Variants in ACER1 observed in about 807,000 individuals in gnomAD.
ACER1 encodes the protein alkaline ceramidase 1.
ACER1 carries 28 observed loss-of-function variants against 24.9 expected under a neutral mutation model. The ratio of observed to expected loss-of-function variants is 1.13; its 90% CI spans 0.83 to 1.54. The LOEUF (loss-of-function observed/expected upper bound fraction) is 1.54, where lower values mean the gene tolerates loss of function less well. ACER1 is among the 40% of genes most tolerant of loss of function. The pLI is 0.00. For missense variants in ACER1, 352 were observed against 349.3 expected (o/e 1.01, Z -0.06); for synonymous variants, 132 against 131.4 (o/e 1.00, Z -0.03).
chr19:6,312,553 G>C (rs545444212), intron 1 of ACER1, 54 bp from the exon 2 acceptor site: 2 of 1,440,380 alleles, frequency 1.4e-6, no homozygotes, highest in Non-Finnish European at 9.8e-7. Flanking sequence ...AGACGGAGGA[G>C]GCTGCCCTCT....
At chr19:6,326,998 C>G (rs986176550) in intron 1 of ACER1, among the ~76,000 whole-genome samples, 6 of 152,146 alleles carry the variant, frequency 3.9e-5, no homozygotes, top group Non-Finnish European at 8.8e-5. Context: ...TTGGCAAACT[C>G]CTATTCATCT....
At chr19:6,347,098 C>CAAAAAAAAAAA in the ACER1 span, among the ~76,000 whole-genome samples, 3 of 82,016 alleles carry the variant, frequency 3.7e-5, no homozygotes, top group African/African-American at 2.0e-4. Flanking sequence ...CCTGTCTCTA[C>CAAAAAAAAAAA]AAAAAAAAAA....
intron 1 of ACER1, among the ~76,000 whole-genome samples, chr19:6,320,209 A>C (rs28542816): frequency 0.066 from 10,056 of 152,000 alleles, 373 homozygotes; most frequent in East Asian, 0.12. Flanking sequence ...TCCCACCAGC[A>C]ACACCTGGCC....
chr19:6,314,886 T>G (rs1276271967), intron 1 of ACER1, among the ~76,000 whole-genome samples: 1 of 151,702 alleles, frequency 6.6e-6, no homozygotes, highest in East Asian at 1.9e-4. Flanking sequence ...ATTTATTTAT[T>G]TATTTATTTA....
the ACER1 span, among the ~76,000 whole-genome samples, chr19:6,343,292 GA>G: frequency 6.6e-6 from 1 of 152,212 alleles, no homozygotes; most frequent in Non-Finnish European, 1.5e-5. Flanking sequence ...TATGGAGGGT[GA>G]AGCTGTCCCA....
chr19:6,331,451 C>CTGG, intron 1 of ACER1, among the ~76,000 whole-genome samples: 2 of 136,490 alleles, frequency 1.5e-5, no homozygotes, highest in African/African-American at 6.6e-5. Context: ...ACCCAGCCAG[C>CTGG]AAGCACTCTT....
rs760432929 is a variant in ACER1, at chr19:6,309,829, T to A, written c.356A>T (p.Gln119Leu). ...GGTGATGAAGACCAGGCGGATGAAC[T>A]GGGACCTGGGGAGGAAGGGGCTCAG... ...FPSFLGGNRS[Q>L]FIRLVFITTV... Residue 119 changes from glutamine (Q) to leucine (L), a missense_variant, in exon 4 of 6, where the codon CAG becomes CTG. Transcript: ENST00000301452. 9.3e-6 allele frequency: 15 copies of A among 1,613,780 alleles called. No homozygotes were observed. The Admixed American group carries it at 2.5e-4, about 27-fold the overall frequency.
chr19:6,307,126 C>A (rs2091556295), intron 5 of ACER1, 27 bp downstream of exon 5: 1 of 1,612,226 alleles, frequency 6.2e-7, no homozygotes, highest in Admixed American at 1.7e-5. Context: ...ACTCTGGGCC[C>A]CCCACAGCCT....
intron 1 of ACER1, among the ~76,000 whole-genome samples, chr19:6,324,038 TTCTC>T (rs1568311951): frequency 2.0e-5 from 3 of 152,012 alleles, no homozygotes; most frequent in African/African-American, 7.2e-5. Flanking sequence ...ATCTCCTCAT[TTCTC>T]TCTTTTTATT....
At chr19:6,342,845 T>G in the ACER1 span, among the ~76,000 whole-genome samples, 1 of 152,062 alleles carries the variant, frequency 6.6e-6, no homozygotes, top group Non-Finnish European at 1.5e-5. Flanking sequence ...TGGCATGATC[T>G]CGGCTCACTG....
chr19:6,329,356 T>TAGAATAGA (rs147227366), intron 1 of ACER1, among the ~76,000 whole-genome samples: 1,391 of 134,026 alleles, frequency 0.01, 27 homozygotes, highest in African/African-American at 0.033. Context: ...GGCTTTTTGA[T>TAGAATAGA]ATAGAATAGA....
At chr19:6,321,861 C>A (rs565741545) in intron 1 of ACER1, among the ~76,000 whole-genome samples, 1 of 141,958 alleles carries the variant, frequency 7.0e-6, no homozygotes, top group Non-Finnish European at 1.5e-5. Flanking sequence ...ATCTGCCCAC[C>A]ACGGCCTCCC....
chr19:6,340,356 GAAGGAAGGAAGGAAGGAAGA>G, the ACER1 span, among the ~76,000 whole-genome samples: 536 of 58,904 alleles, frequency 9.1e-3, 5 homozygotes, highest in Non-Finnish European at 0.014. Context: ...AGGAAGGAAG[GAAGGAAGGAAGGAAGGAAGA>G]AAAACAGAAC....
chr19:6,319,924 C>T (rs776384119), intron 1 of ACER1, among the ~76,000 whole-genome samples: 11 of 151,782 alleles, frequency 7.2e-5, no homozygotes, highest in African/African-American at 2.2e-4. Context: ...CCAGCCTGGC[C>T]GACATGGAGA....
intron 1 of ACER1, among the ~76,000 whole-genome samples, chr19:6,323,800 G>C (rs1053053212): frequency 1.3e-5 from 2 of 152,178 alleles, no homozygotes; most frequent in African/African-American, 2.4e-5. Flanking sequence ...AGGGAGGCAT[G>C]AGTGGATCTC....
At position 6,333,506 on chromosome 19, in the gene ACER1, C is replaced by A; in HGVS notation, c.46G>T (p.Glu16Ter). ...AYQSSEVDWCESNFQYSELVA... is the reference protein window; with the variant it reads ...AYQSSEVDWC ...AGCTCCGAGTACTGGAAGTTGCTCT[C>A]ACACCAGTCCACCTCGGAGCTCTGA... Residue 16 changes from glutamate (E) to a stop codon, truncating the protein, a stop_gained, in exon 1 of 6, where the codon GAG (glutamate) becomes TAG (stop). Transcript: ENST00000301452. LOFTEE classifies it high-confidence loss of function. The A allele has an allele frequency of 6.3e-7, 1 of 1,593,618 alleles. No homozygotes were observed. Among genetic ancestry groups the A allele is most frequent in the Non-Finnish European group, 8.6e-7 (1 of 1,169,430 alleles).
the ACER1 span, among the ~76,000 whole-genome samples, chr19:6,345,436 T>A: frequency 6.6e-6 from 1 of 152,170 alleles, no homozygotes. Context: ...TACACTGTAA[T>A]ATATAATGAA....
chr19:6,351,375 A>G, the ACER1 span, among the ~76,000 whole-genome samples: 1 of 151,688 alleles, frequency 6.6e-6, no homozygotes, highest in Admixed American at 6.6e-5. Context: ...TCAAAAAATA[A>G]AAATAATAAT....
At chr19:6,344,770 T>C in the ACER1 span, among the ~76,000 whole-genome samples, 2 of 152,066 alleles carry the variant, frequency 1.3e-5, no homozygotes, top group African/African-American at 4.8e-5. Context: ...TGTTGTTTTT[T>C]TCTTTAAACC....
Sources: allele counts gnomAD v4.1 joint callset (sites outside exome capture counted in the v4.1 genomes callset), GRCh38; gene constraint gnomAD v4.1.1; transcripts MANE v1.5; gene names NCBI Gene and HGNC (gene_info 2026-07-23, HGNC 2026-07-21).